The following VPS13C variants were observed in gnomAD, a reference collection of about 807,000 sequenced individuals.
VPS13C encodes the protein vacuolar protein sorting 13 homolog C.
In VPS13C, 358 loss-of-function variants were observed where a neutral mutation model predicts 456.8. That is an observed-to-expected ratio of 0.78 (90% CI 0.72 to 0.86). The LOEUF is 0.86. Ranked by LOEUF, VPS13C falls within the 40% of genes least tolerant of loss-of-function variation. The pLI is 0.00. For missense variants in VPS13C, 4,818 were observed against 4,385.4 expected (o/e 1.10, Z -2.79); for synonymous variants, 1,578 against 1,486.7 (o/e 1.06, Z -1.41).
At chr15:61,983,596 A>G (rs950502883) in intron 20 of VPS13C, 6 of 440,188 alleles carry the variant, frequency 1.4e-5, no homozygotes, top group African/African-American at 1.2e-4. Flanking sequence ...AAAATTTAAC[A>G]AAGGCGTAGA....
chr15:61,873,104 G>A, intron 78 of VPS13C, 142 bp downstream of exon 78: 1 of 1,309,504 alleles, frequency 7.6e-7, no homozygotes, highest in Non-Finnish European at 1.0e-6. Flanking sequence ...GAGCAAAAAG[G>A]AAACTGGGAA....
Position 61,882,751 on chromosome 15 carries a change from C to G in VPS13C, c.9484-15G>C. 2.5e-6 allele frequency: 4 copies of G among 1,579,446 alleles called. No homozygotes were observed. Among genetic ancestry groups the G allele is most frequent in the Non-Finnish European group, 3.4e-6 (4 of 1,165,936 alleles). On this transcript the variant is annotated splice_polypyrimidine_tract_variant and intron_variant, in intron 68 of 84. Coordinates refer to ENST00000644861, the MANE Select transcript of VPS13C (RefSeq NM_020821.3). ...TCAAAATTGACCTAGAAAAAAAGCA[C>G]ATGTTTTTGTGATGAGCTGATATTA...
At chr15:61,883,706 T>C (rs1057396313) in intron 68 of VPS13C, among the ~76,000 whole-genome samples, 1 of 152,136 alleles carries the variant, frequency 6.6e-6, no homozygotes, top group Non-Finnish European at 1.5e-5. Context: ...TTGTAGGTTT[T>C]TCCTCAATGA....
In VPS13C at chr15:61,909,130, T is replaced by G. The variant is rs574539711; in HGVS notation, c.8845-5A>C. The G allele has an allele frequency of 7.6e-6, 12 of 1,587,110 alleles. No homozygotes were observed. The East Asian group carries it at 2.7e-4, about 36-fold the overall frequency. Reference sequence around the variant, plus strand: ...ATCCACCAAGATACCCCCATTCTATTGTAGAAAAAAAAAAAGTATGTTTGA... The same window carrying G: ...ATCCACCAAGATACCCCCATTCTATGGTAGAAAAAAAAAAAGTATGTTTGA... On this transcript the variant is annotated splice_region_variant and splice_polypyrimidine_tract_variant and intron_variant, in intron 64 of 84. Transcript: ENST00000644861.
intron 1 of VPS13C, among the ~76,000 whole-genome samples, chr15:62,049,122 T>C (rs1474737991): frequency 6.6e-6 from 1 of 152,206 alleles, no homozygotes; most frequent in African/African-American, 2.4e-5. Flanking sequence ...ATCCCATTTG[T>C]CTATTTTGGC....
At chr15:61,967,681 C>G (rs1486523294) in intron 28 of VPS13C, among the ~76,000 whole-genome samples, 1 of 151,888 alleles carries the variant, frequency 6.6e-6, no homozygotes, top group African/African-American at 2.4e-5. Flanking sequence ...CCTGATTTCA[C>G]AGGTGACTTC....
In VPS13C at chr15:61,910,265, CA is replaced by C; in HGVS notation, c.8755del (p.Cys2919ValfsTer2). 1 of 1,527,342 alleles carries C rather than the reference CA, an allele frequency of 6.5e-7. No individual in the cohort carries two copies. The highest frequency in any genetic ancestry group is 8.8e-7 in the Non-Finnish European group (1 of 1,131,598). The allele number at this position is 1,527,342 out of a possible 1,614,324, so 94.6% of individuals were successfully genotyped here. A position where few individuals can be genotyped will look rare whatever the true frequency, so the allele number is the denominator to read the frequency against. On this transcript the variant is annotated frameshift_variant, in exon 64 of 85. Transcript: ENST00000644861. LOFTEE classifies it high-confidence loss of function. ...TCCTTCACAGCCCACCACTCTCACA[CA>C]AAGTTTGCCTGACAAACTTTCTGGC... ...FWPESLSGKL[C>X]VRVVGCEGSS...
intron 6 of VPS13C, among the ~76,000 whole-genome samples, chr15:62,026,993 G>GA (rs1356407448): frequency 6.6e-6 from 1 of 152,032 alleles, no homozygotes. Context: ...TCAATAAAAG[G>GA]AAAAATCAAA....
intron 65 of VPS13C, 121 bp from the exon 66 acceptor site, chr15:61,907,511 A>AG: frequency 7.8e-7 from 1 of 1,287,394 alleles, no homozygotes; most frequent in Non-Finnish European, 1.0e-6. Flanking sequence ...TTAATAAAAC[A>AG]CAACTCTACC....
At chr15:61,896,238 G>C (rs1257185582) in intron 66 of VPS13C, among the ~76,000 whole-genome samples, 1 of 152,152 alleles carries the variant, frequency 6.6e-6, no homozygotes, top group Non-Finnish European at 1.5e-5. Context: ...AAACTAATAA[G>C]GGGGAGGAGC....
intron 73 of VPS13C, chr15:61,879,553 G>A (rs1895703734): frequency 6.6e-6 from 1 of 152,010 alleles, no homozygotes; most frequent in African/African-American, 2.4e-5. Flanking sequence ...GAAAATAATT[G>A]TTGTTCATAA....
intron 48 of VPS13C, among the ~76,000 whole-genome samples, chr15:61,936,381 T>G: frequency 6.6e-6 from 1 of 152,130 alleles, no homozygotes; most frequent in Non-Finnish European, 1.5e-5. Context: ...CATTCACAAG[T>G]AAAGGGTAAA....
chr15:61,970,270 C>G (rs1251311950), intron 27 of VPS13C, among the ~76,000 whole-genome samples: 1 of 152,136 alleles, frequency 6.6e-6, no homozygotes, highest in Non-Finnish European at 1.5e-5. Flanking sequence ...TGACTGCAAC[C>G]CCAGTCAACA....
Position 61,882,699 on chromosome 15 carries a change from G to A in VPS13C, c.9521C>T (p.Pro3174Leu), listed in dbSNP as rs773130763. Residue 3174 changes from proline (P) to leucine (L), a missense_variant, in exon 69 of 85, where the codon CCT becomes CTT. Transcript: ENST00000644861. The part of the protein sequence containing the change: ...FDKDPMEMRL[P>L]IRSPIKRDFL... ...GTCTCGTTTAATAGGGCTACGAATAGGGAGGCGCATTTCCATTGGATCTTT... is the reference window on the plus strand; with the variant it reads ...GTCTCGTTTAATAGGGCTACGAATAAGGAGGCGCATTTCCATTGGATCTTT... The A allele has an allele frequency of 1.3e-6, 2 of 1,589,644 alleles. No individual in the cohort carries two copies. The highest frequency in any genetic ancestry group is 2.4e-5 in the South Asian group (2 of 84,682).
chr15:61,962,066 G>A (rs2045226686), intron 34 of VPS13C, among the ~76,000 whole-genome samples, 173 bp from the exon 35 acceptor site: 1 of 151,920 alleles, frequency 6.6e-6, no homozygotes, highest in African/African-American at 2.4e-5. Flanking sequence ...CTATAACTAT[G>A]AGCTGCCTGA....
chr15:61,885,460 A>G (rs1366537205), intron 67 of VPS13C, among the ~76,000 whole-genome samples: 1 of 152,102 alleles, frequency 6.6e-6, no homozygotes. Context: ...CCAGAACTCA[A>G]AGAGTACAAT....
At chr15:62,057,606 T>C (rs922075822) in intron 1 of VPS13C, among the ~76,000 whole-genome samples, 1 of 152,236 alleles carries the variant, frequency 6.6e-6, no homozygotes, top group Non-Finnish European at 1.5e-5. Flanking sequence ...GATTGGATGT[T>C]CACTAGACAC....
chr15:62,000,788 A>AT (rs2046585646), intron 15 of VPS13C, among the ~76,000 whole-genome samples, 162 bp from the exon 16 acceptor site: 2 of 152,110 alleles, frequency 1.3e-5, no homozygotes, highest in Non-Finnish European at 2.9e-5. Context: ...AAATTTTTTA[A>AT]TTTTTTACAG....
At chr15:61,934,926 T>C (rs909030298) in intron 48 of VPS13C, among the ~76,000 whole-genome samples, 1 of 152,058 alleles carries the variant, frequency 6.6e-6, no homozygotes, top group Non-Finnish European at 1.5e-5. Flanking sequence ...AATTTTTTTG[T>C]ATTTTTAGTA....
Sources: allele counts gnomAD v4.1 joint callset (sites outside exome capture counted in the v4.1 genomes callset), GRCh38; gene constraint gnomAD v4.1.1; transcripts MANE v1.5; gene names NCBI Gene and HGNC (gene_info 2026-07-23, HGNC 2026-07-21).